The following CCAR2 variants were observed in gnomAD, a reference collection of about 807,000 sequenced individuals.
CCAR2 encodes cell cycle and apoptosis regulator 2, also known as cell cycle and apoptosis regulator protein 2.
In CCAR2, 21 loss-of-function variants were observed where a neutral mutation model predicts 108.1. That is an observed-to-expected ratio of 0.19 (90% confidence interval 0.14 to 0.28). The LOEUF (loss-of-function observed/expected upper bound fraction) is 0.28. CCAR2 is among the 10% of genes least tolerant of loss of function. The pLI, the probability that CCAR2 is intolerant of heterozygous loss-of-function variation, is 1.00. For missense variants in CCAR2, 1,126 were observed against 1,177.0 expected (o/e 0.96, Z 0.63); for synonymous variants, 577 against 472.8 (o/e 1.22, Z -2.86).
Position 22,606,712 on chromosome 8 carries a change from T to C in CCAR2, c.242+14T>C. ...TTTTCAGCTAAGGTAGGCTTGAGGT[T>C]GGTCCCCTAACGGAAATGCTTATTG... is the stretch of plus-strand genomic sequence containing the variant. On this transcript the variant is annotated intron_variant, in intron 4 of 20. Transcript: ENST00000308511. 6.2e-7 allele frequency: 1 copy of C among 1,608,018 alleles called. No individual in the cohort carries two copies. Among genetic ancestry groups the C allele is most frequent in the South Asian group, 1.1e-5 (1 of 90,862 alleles).
intron 7 of CCAR2, among the ~76,000 whole-genome samples, chr8:22,610,002 G>C (rs1206703901): frequency 6.6e-6 from 1 of 152,128 alleles, no homozygotes; most frequent in African/African-American, 2.4e-5. Flanking sequence ...TTCAGATTTG[G>C]ATTTTTGGAT....
chr8:22,621,373 A>G (rs989751475), downstream of CCAR2: 23 of 1,580,316 alleles, frequency 1.5e-5, no homozygotes, highest in East Asian at 2.3e-5. Context: ...AAGGGCAAGG[A>G]TGAATGAGGC....
In CCAR2 at chr8:22,615,568, C is replaced by G; in HGVS notation, c.1349C>G (p.Ala450Gly). 1 of 1,613,918 alleles carries G rather than the reference C, an allele frequency of 6.2e-7. No homozygotes were observed. The highest frequency in any genetic ancestry group is 8.5e-7 in the Non-Finnish European group (1 of 1,180,016). The change falls in exon 12 of 21, where the codon GCA becomes GGA. Residue 450 changes from alanine to glycine, a missense_variant. By Grantham distance (60) the Ala-to-Gly change is moderately conservative. Around this residue, in one of 4 missense-constraint regions of CCAR2, gnomAD observed 1,013 missense variants for 993.9 expected, o/e 1.02. Coordinates refer to ENST00000308511, the MANE Select transcript of CCAR2 (RefSeq NM_001393997.1). ...CTGTGCCAGCAGAAAGCTGCAGAGG[C>G]AGCTCCCCCAACCCAGGAGGCACAA... ...EALCQQKAAE[A>G]APPTQEAQGE...
At chr8:22,608,189 T>A (rs1431609773) in intron 7 of CCAR2, 124 bp downstream of exon 7, 2 of 694,180 alleles carry the variant, frequency 2.9e-6, no homozygotes, top group Non-Finnish European at 4.9e-6. Flanking sequence ...GTGGCTATGC[T>A]TACCACTAAC....
rs758441764 is a variant in CCAR2, at chr8:22,616,265, C to G, written c.1845+17C>G. On this transcript the variant is annotated intron_variant, in intron 14 of 20. Transcript: ENST00000308511. ...GCCCCGCTGGTGAGTACCCTGCCAC[C>G]TCGGGCTGTCATAGTGCTTACCGTG... 5 of 1,608,278 alleles carry G rather than the reference C, an allele frequency of 3.1e-6. No individual in the cohort carries two copies. The highest frequency in any genetic ancestry group is 4.2e-6 in the Non-Finnish European group (5 of 1,177,250).
intron 1 of CCAR2, 35 bp downstream of exon 1, chr8:22,604,877 C>T (rs772657108): frequency 1.6e-5 from 7 of 441,698 alleles, no homozygotes; most frequent in Non-Finnish European, 3.2e-5. Context: ...CCCTCTGCCC[C>T]TTCGCCCCTC....
At chr8:22,616,534 T>G (rs1801515470) in intron 14 of CCAR2, 1 of 452,748 alleles carries the variant, frequency 2.2e-6, no homozygotes, top group Non-Finnish European at 4.0e-6. Flanking sequence ...GAAAATTTTG[T>G]AGGCCGGGCG....
At chr8:22,611,257 A>G (rs1801263524) in intron 7 of CCAR2, among the ~76,000 whole-genome samples, 1 of 150,590 alleles carries the variant, frequency 6.6e-6, no homozygotes. Flanking sequence ...GCTACTCGGG[A>G]GGCTGAGGCA....
At position 22,618,838 on chromosome 8, in the gene CCAR2, C is replaced by T. The variant is rs200100273; in HGVS notation, c.2344C>T (p.Leu782=). 1.2e-6 allele frequency: 2 copies of T among 1,613,746 alleles called. No individual in the cohort carries two copies. Among genetic ancestry groups the T allele is most frequent in the South Asian group, 1.1e-5 (1 of 91,080 alleles). ...PEEVLFGNLD[L]LPPPGKSTKP... is the part of the protein sequence containing the mutation. Reference sequence around the variant, plus strand: ...ACGGTTCTCTCTAGGAAACCTGGACCTGCTGCCCCCTCCTGGGAAAAGCAC... The same window carrying T: ...ACGGTTCTCTCTAGGAAACCTGGACTTGCTGCCCCCTCCTGGGAAAAGCAC... Residue 782 remains leucine (L), a synonymous_variant, in exon 19 of 21, where the codon CTG becomes TTG. Coordinates refer to ENST00000308511, the MANE Select transcript of CCAR2 (RefSeq NM_001393997.1).
intron 14 of CCAR2, 95 bp from the exon 15 acceptor site, chr8:22,617,324 TG>T: frequency 7.1e-7 from 1 of 1,408,962 alleles, no homozygotes; most frequent in Non-Finnish European, 9.6e-7. Context: ...ATACAGTGCC[TG>T]GGGCATAGTT....
chr8:22,621,340 T>C, downstream of CCAR2: 1 of 1,501,356 alleles, frequency 6.7e-7, no homozygotes, highest in Non-Finnish European at 8.9e-7. Flanking sequence ...CCCCAGCCTG[T>C]GAGAGGAGCA....
rs148238305 is a variant in CCAR2 at position 22,616,135 on chromosome 8, G to A, written c.1732G>A (p.Ala578Thr). 1.1e-4 allele frequency: 184 copies of A among 1,613,824 alleles called. No individual in the cohort carries two copies. Among genetic ancestry groups the A allele is most frequent in the Non-Finnish European group, 1.5e-4 (179 of 1,179,888 alleles). Residue 578 changes from alanine to threonine, a missense_variant, in exon 14 of 21, where the codon GCG becomes ACG. Around this residue, in one of 4 missense-constraint regions of CCAR2, gnomAD observed 1,013 missense variants for 993.9 expected, o/e 1.02. Transcript: ENST00000308511. ...VSPPEPEKEEAAKEEATKEEE... is the reference protein window; with the variant it reads ...VSPPEPEKEETAKEEATKEEE... ...CCCACCTGAACCTGAGAAGGAGGAG[G>A]CGGCCAAGGAAGAAGCCACCAAGGA...
chr8:22,616,305 C>G, intron 14 of CCAR2, 57 bp downstream of exon 14: 1 of 1,529,884 alleles, frequency 6.5e-7, no homozygotes, highest in Non-Finnish European at 9.0e-7. Flanking sequence ...CGCACCTTTA[C>G]CCCGGGCTCT....
intron 1 of CCAR2, 93 bp downstream of exon 1, chr8:22,604,935 C>A (rs952957594): frequency 3.1e-5 from 11 of 355,218 alleles, no homozygotes; most frequent in South Asian, 2.3e-4. Flanking sequence ...GGCGAAGATG[C>A]GTGGGGCGCG....
At position 22,614,997 on chromosome 8, in the gene CCAR2, A is replaced by G; in HGVS notation, c.1201A>G (p.Lys401Glu). The change falls in exon 11 of 21, where the codon AAG becomes GAG. Residue 401 changes from lysine (K) to glutamate (E), a missense_variant. By Grantham distance (56) the Lys-to-Glu change is moderately conservative. This residue lies in a region of CCAR2 where 1,013 missense variants were observed against 993.9 expected (regional missense o/e 1.02). Transcript: ENST00000308511. Reference protein sequence around the residue: ...QTGIDLSGCTKWWRFAEFQYL... With the variant: ...QTGIDLSGCTEWWRFAEFQYL... ...TGGCATTGATTTGAGCGGCTGTACC[A>G]AGTGGTGAGTGGGCTTCCTGAGCCT... 6.4e-7 allele frequency: 1 copy of G among 1,570,184 alleles called. No homozygotes were observed. The highest frequency in any genetic ancestry group is 8.6e-7 in the Non-Finnish European group (1 of 1,156,390).
intron 7 of CCAR2, among the ~76,000 whole-genome samples, chr8:22,611,388 ATGTG>A (rs145362940): frequency 7.8e-6 from 1 of 128,478 alleles, no homozygotes; most frequent in Non-Finnish European, 1.6e-5. Context: ...AAGTATATAT[ATGTG>A]TGTGTGTGTG....
In CCAR2 at chr8:22,605,676, T is replaced by C. The variant is rs1023634216; in HGVS notation, c.-38-60T>C. On this transcript the variant is annotated intron_variant, in intron 1 of 20. Coordinates refer to ENST00000308511, the MANE Select transcript of CCAR2 (RefSeq NM_001393997.1). ...ATCCTTACTTAAGATTCTCCACTTT[T>C]CCGGGTATAGATGGAAATTTCCCTT... 8.0e-6 allele frequency: 8 copies of C among 1,005,302 alleles called. No homozygotes were observed. The African/African-American group carries it at 9.7e-5, about 12-fold the overall frequency. The allele number at this position is 1,005,302 out of a possible 1,614,324, so 62.3% of individuals were successfully genotyped here. A position where few individuals can be genotyped will look rare whatever the true frequency, so the allele number is the denominator to read the frequency against.
At chr8:22,616,443 G>C in intron 14 of CCAR2, 195 bp downstream of exon 14, 1 of 598,616 alleles carries the variant, frequency 1.7e-6, no homozygotes, top group Non-Finnish European at 3.0e-6. Context: ...GAGCATGGCT[G>C]AGCAGCCTGA....
At chr8:22,606,835 G>A in intron 4 of CCAR2, 75 bp from the exon 5 acceptor site, 2 of 1,518,054 alleles carry the variant, frequency 1.3e-6, no homozygotes, top group South Asian at 1.1e-5. Flanking sequence ...GATGGGAAAG[G>A]CCTCATAGGG....
Sources: gnomAD v4.1 joint callset for allele counts (sites outside exome capture counted in the v4.1 genomes callset) on GRCh38, gnomAD v4.1.1 for gene constraint, gnomAD v4.1.1 regional missense constraint, MANE v1.5 for transcripts, NCBI Gene and HGNC (gene_info 2026-07-23, HGNC 2026-07-21) for gene names.